Variants in SLC2A9 observed in about 807,000 individuals in gnomAD.
SLC2A9 encodes the protein solute carrier family 2, facilitated glucose transporter member 9.
In SLC2A9, 39 loss-of-function variants were observed where a neutral mutation model predicts 50.6. That is an observed-to-expected ratio of 0.77 (90% confidence interval 0.60 to 1.01). The LOEUF (loss-of-function observed/expected upper bound fraction) is 1.01. Among genes scored for constraint, SLC2A9 ranks in the 50% least tolerant of loss-of-function variants. The probability of loss-of-function intolerance (pLI) is 0.00; values close to 1 mark genes in which losing one functional copy is unlikely to be tolerated. For missense variants in SLC2A9, 686 were observed against 677.6 expected (o/e 1.01, Z -0.14); for synonymous variants, 324 against 276.9 (o/e 1.17, Z -1.69).
chr4:9,799,700 C>CCCCCAA (rs1553813199), intron 3 of SLC2A9, among the ~76,000 whole-genome samples: 2 of 93,636 alleles, frequency 2.1e-5, no homozygotes, highest in African/African-American at 4.0e-5. Flanking sequence ...GTACCCCCCC[C>CCCCCAA]CCACCCAACT....
intron 8 of SLC2A9, 131 bp downstream of exon 8, chr4:9,908,104 T>C (rs911278538): frequency 2.7e-6 from 2 of 736,104 alleles, no homozygotes; most frequent in Non-Finnish European, 5.0e-6. Context: ...TGCTGAATGA[T>C]AGGAAACCAC....
At chr4:9,911,895 G>A (rs1045328492) in intron 7 of SLC2A9, among the ~76,000 whole-genome samples, 1 of 152,144 alleles carries the variant, frequency 6.6e-6, no homozygotes, top group Non-Finnish European at 1.5e-5. Context: ...CAACCCAAAT[G>A]TCCAACAATG....
At chr4:9,935,092 A>G (rs529504069) in intron 6 of SLC2A9, among the ~76,000 whole-genome samples, 1 of 152,328 alleles carries the variant, frequency 6.6e-6, no homozygotes, top group East Asian at 1.9e-4. Context: ...TGTCTTTGCT[A>G]TTGTAAACAG....
intron 10 of SLC2A9, among the ~76,000 whole-genome samples, chr4:9,877,281 AC>A (rs1360047423): frequency 6.6e-6 from 1 of 152,136 alleles, no homozygotes; most frequent in African/African-American, 2.4e-5. Flanking sequence ...CTGCCTAAGC[AC>A]CCCATCCCAG....
intron 1 of SLC2A9, chr4:10,034,842 G>A (rs983192272): frequency 1.3e-5 from 2 of 152,282 alleles, no homozygotes; most frequent in African/African-American, 4.8e-5. Context: ...GAAAGAAGCA[G>A]GATGACACGT....
intron 11 of SLC2A9, among the ~76,000 whole-genome samples, chr4:9,834,385 T>C (rs1344677631): frequency 6.6e-6 from 1 of 152,214 alleles, no homozygotes; most frequent in African/African-American, 2.4e-5. Context: ...GAACAGATCC[T>C]TTCCCTACCC....
chr4:9,885,663 A>G (rs1256237926), intron 10 of SLC2A9, among the ~76,000 whole-genome samples: 2 of 152,234 alleles, frequency 1.3e-5, no homozygotes, highest in African/African-American at 4.8e-5. Flanking sequence ...GTTCTAGGTT[A>G]TCAGGATAAG....
intron 3 of SLC2A9, among the ~76,000 whole-genome samples, chr4:9,804,800 C>T (rs1029679392): frequency 6.6e-6 from 1 of 152,188 alleles, no homozygotes; most frequent in Non-Finnish European, 1.5e-5. Context: ...ATTCCAGCTT[C>T]GCCACTTTGT....
At chr4:9,793,445 C>T (rs182412633) in intron 3 of SLC2A9, among the ~76,000 whole-genome samples, 2 of 152,314 alleles carry the variant, frequency 1.3e-5, no homozygotes, top group African/African-American at 4.8e-5. Flanking sequence ...ATTAGGAGCA[C>T]AAACAAGTTC....
chr4:9,989,835 G>A (rs1757380058), intron 3 of SLC2A9, among the ~76,000 whole-genome samples: 1 of 151,904 alleles, frequency 6.6e-6, no homozygotes, highest in African/African-American at 2.4e-5. Flanking sequence ...CAAAGAAGTG[G>A]AGCCTCTTCT....
chr4:9,883,320 G>C (rs767268362), intron 10 of SLC2A9, among the ~76,000 whole-genome samples: 3 of 152,228 alleles, frequency 2.0e-5, no homozygotes, highest in South Asian at 2.1e-4. Flanking sequence ...GGAAAGTCCA[G>C]GGTAGTGTGT....
chr4:10,012,501 GA>G (rs1761928088), intron 2 of SLC2A9, among the ~76,000 whole-genome samples: 2 of 152,224 alleles, frequency 1.3e-5, no homozygotes, highest in Admixed American at 1.3e-4. Context: ...TGAAGGGAAG[GA>G]GGACAAGAAG....
chr4:9,893,006 C>CAGAG lies in SLC2A9; in HGVS notation c.1114-2299_1114-2296dup, dbSNP rs138849369. On this transcript the variant is annotated intron_variant, in intron 8 of 11. Coordinates refer to ENST00000264784, the MANE Select transcript of SLC2A9 (RefSeq NM_020041.3). ...TTGCTCCATTTTACAGGTAAAAGAA[C>CAGAG]AGAGGCACAGAGTCTTTGGAAACTT... Among the ~76,000 whole-genome samples, 976 of 152,308 alleles carry CAGAG rather than the reference C, an allele frequency of 6.4e-3. 5 individuals are homozygous for CAGAG. The highest frequency in any genetic ancestry group is 0.011 in the Non-Finnish European group (755 of 68,022).
intron 5 of SLC2A9, among the ~76,000 whole-genome samples, chr4:9,952,392 C>G (rs1384146029): frequency 6.6e-6 from 1 of 152,136 alleles, no homozygotes; most frequent in African/African-American, 2.4e-5. Flanking sequence ...AGCCTTACTT[C>G]TGCTTTTGCC....
intron 10 of SLC2A9, chr4:9,879,636 C>A: frequency 1.0e-6 from 1 of 985,316 alleles, no homozygotes; most frequent in Non-Finnish European, 1.2e-6. Context: ...GACCTTAATT[C>A]GCACCTTGAT....
Position 9,985,961 on chromosome 4 carries a change from A to C in SLC2A9, c.411-168T>G, listed in dbSNP as rs548069047. ...CACCTCTGGCTGTGTGACTGGGTTC[A>C]GCCCTGGGGTCTACTAGGTCACTTA... On this transcript the variant is annotated intron_variant, in intron 3 of 11. Transcript: ENST00000264784. 7.2e-5 allele frequency among the ~76,000 whole-genome samples: 11 copies of C among 152,338 alleles called. No homozygotes were observed. The South Asian group carries it at 2.3e-3, about 32-fold the overall frequency.
chr4:9,905,688 A>G (rs1740537162), intron 8 of SLC2A9, among the ~76,000 whole-genome samples: 1 of 152,220 alleles, frequency 6.6e-6, no homozygotes, highest in South Asian at 2.1e-4. Context: ...ATGAATAAGA[A>G]TGGCTTCCCG....
At chr4:9,930,410 G>A (rs1745688545) in intron 6 of SLC2A9, among the ~76,000 whole-genome samples, 2 of 152,242 alleles carry the variant, frequency 1.3e-5, no homozygotes, top group African/African-American at 4.8e-5. Context: ...ACATGTCACA[G>A]AATTGGTGCT....
At chr4:9,911,265 C>G (rs148346852) in intron 7 of SLC2A9, among the ~76,000 whole-genome samples, 12 of 152,104 alleles carry the variant, frequency 7.9e-5, no homozygotes, top group South Asian at 2.1e-4. Context: ...GGGGTCCTGC[C>G]GGGCTGGCCC....
Sources: gnomAD v4.1 joint callset for allele counts (sites outside exome capture counted in the v4.1 genomes callset) on GRCh38, gnomAD v4.1.1 for gene constraint, MANE v1.5 for transcripts, NCBI Gene and HGNC (gene_info 2026-07-23, HGNC 2026-07-21) for gene names.